The following TRABD2B variants were observed in gnomAD, a reference collection of about 807,000 sequenced individuals.
TRABD2B encodes metalloprotease TIKI2.
In TRABD2B, 14 loss-of-function variants were observed where a neutral mutation model predicts 40.1. The observed-to-expected ratio is 0.35, with a 90% confidence interval of 0.23 to 0.55. TRABD2B has a LOEUF of 0.55. Among genes scored for constraint, TRABD2B ranks in the 20% least tolerant of loss-of-function variants. The pLI, the probability that TRABD2B is intolerant of heterozygous loss-of-function variation, is 0.90. For synonymous variants in TRABD2B, 263 were observed against 277.0 expected (o/e 0.95, Z 0.50); for missense variants, 541 against 648.6 (o/e 0.83, Z 1.80).
At chr1:47,856,148 G>A (rs544878063) in intron 2 of TRABD2B, among the ~76,000 whole-genome samples, 4 of 152,356 alleles carry the variant, frequency 2.6e-5, no homozygotes, top group African/African-American at 7.2e-5. Context: ...GCCTGGATGA[G>A]TGGCACAGAG....
chr1:47,816,439 A>G (rs939730746), intron 2 of TRABD2B, among the ~76,000 whole-genome samples: 2 of 151,730 alleles, frequency 1.3e-5, no homozygotes, highest in Non-Finnish European at 2.9e-5. Flanking sequence ...CTGCTCCCTA[A>G]CCTCCTTGCT....
At chr1:47,893,343 G>A (rs1334013576) in intron 2 of TRABD2B, among the ~76,000 whole-genome samples, 2 of 152,176 alleles carry the variant, frequency 1.3e-5, no homozygotes, top group Non-Finnish European at 2.9e-5. Context: ...ACCTCTGGGG[G>A]GCCAGGCAGA....
intron 2 of TRABD2B, among the ~76,000 whole-genome samples, chr1:47,845,731 C>T (rs1645459736): frequency 1.3e-5 from 2 of 152,114 alleles, no homozygotes; most frequent in African/African-American, 4.8e-5. Flanking sequence ...AATATATGAC[C>T]ACAGACAATG....
intron 2 of TRABD2B, among the ~76,000 whole-genome samples, chr1:47,990,501 A>G (rs1485850453): frequency 2.0e-5 from 3 of 151,984 alleles, no homozygotes; most frequent in Non-Finnish European, 2.9e-5. Context: ...ACGAGTGGAT[A>G]TGGCTGCTGG....
At chr1:47,873,420 G>C (rs567744386) in intron 2 of TRABD2B, among the ~76,000 whole-genome samples, 1 of 152,160 alleles carries the variant, frequency 6.6e-6, no homozygotes, top group East Asian at 1.9e-4. Flanking sequence ...TTATGGGGTG[G>C]ATATATCCAT....
chr1:47,950,486 C>T (rs1381285320), intron 2 of TRABD2B, among the ~76,000 whole-genome samples: 6 of 152,036 alleles, frequency 3.9e-5, no homozygotes, highest in Admixed American at 2.6e-4. Flanking sequence ...GCTGAAGAAA[C>T]AGCAAAGTTA....
intron 2 of TRABD2B, among the ~76,000 whole-genome samples, chr1:47,830,659 AAGAGAG>A (rs1444051974): frequency 6.6e-6 from 1 of 152,222 alleles, no homozygotes; most frequent in African/African-American, 2.4e-5. Context: ...TTCAGGCACA[AAGAGAG>A]GTTTCTCCAA....
intron 2 of TRABD2B, among the ~76,000 whole-genome samples, chr1:47,805,509 A>G (rs1292771225): frequency 1.3e-5 from 2 of 151,814 alleles, no homozygotes; most frequent in Non-Finnish European, 2.9e-5. Flanking sequence ...TTCCTTAGAC[A>G]CTTATCTCAC....
At chr1:47,806,015 G>T (rs1191814510) in intron 2 of TRABD2B, among the ~76,000 whole-genome samples, 1 of 152,166 alleles carries the variant, frequency 6.6e-6, no homozygotes, top group Non-Finnish European at 1.5e-5. Context: ...GGAAACCAAA[G>T]AAGCAGAAGG....
chr1:47,906,969 G>A (rs1163302866), intron 2 of TRABD2B, among the ~76,000 whole-genome samples: 2 of 152,186 alleles, frequency 1.3e-5, no homozygotes, highest in Admixed American at 6.5e-5. Flanking sequence ...CCCCTTCCCC[G>A]GACAGTGATG....
At chr1:47,932,439 G>T (rs1462379211) in intron 2 of TRABD2B, among the ~76,000 whole-genome samples, 1 of 152,214 alleles carries the variant, frequency 6.6e-6, no homozygotes, top group African/African-American at 2.4e-5. Context: ...CGTCCGTGGA[G>T]GAGCTGAGTT....
Position 47,996,902 on chromosome 1 carries a change from G to A in TRABD2B, c.-113C>T, listed in dbSNP as rs1403862018. Reference sequence around the variant, plus strand: ...TCTGGAGCACGGGGCTCCAGCCGCAGGATGCTGGGCGCCCTCTGGGGCGTG... The same window carrying A: ...TCTGGAGCACGGGGCTCCAGCCGCAAGATGCTGGGCGCCCTCTGGGGCGTG... On this transcript the variant is annotated 5_prime_UTR_variant, in exon 1 of 7. Coordinates refer to ENST00000606738, the MANE Select transcript of TRABD2B (RefSeq NM_001194986.2). This position sits in a 1 kb window ranked among gnomAD's most constrained non-coding sequence, Gnocchi z 4.6. 2 of 1,126,804 alleles carry A rather than the reference G, an allele frequency of 1.8e-6. No homozygotes were observed. The highest frequency in any genetic ancestry group is 4.9e-5 in the Admixed American group (1 of 20,428). 69.8% of individuals were successfully genotyped at this position (1,126,804 alleles called of 1,614,324 possible). A position where few individuals can be genotyped will look rare whatever the true frequency, so the allele number is the denominator to read the frequency against.
intron 2 of TRABD2B, among the ~76,000 whole-genome samples, chr1:47,816,198 G>A (rs1645030070): frequency 6.6e-6 from 1 of 152,234 alleles, no homozygotes; most frequent in African/African-American, 2.4e-5. Flanking sequence ...TCAGGCCCTG[G>A]GGCCCGGGGT....
chr1:47,847,531 CTG>C (rs1196419414), intron 2 of TRABD2B, among the ~76,000 whole-genome samples: 2 of 152,206 alleles, frequency 1.3e-5, no homozygotes, highest in East Asian at 1.9e-4. Context: ...GATGGGGAAA[CTG>C]AGGCCCAGAG....
At chr1:47,956,323 C>G (rs1034640458) in intron 2 of TRABD2B, among the ~76,000 whole-genome samples, 2 of 152,190 alleles carry the variant, frequency 1.3e-5, no homozygotes, top group Admixed American at 6.5e-5. Flanking sequence ...TTCTGCATTT[C>G]CAACTAAGGT....
At chr1:47,828,942 A>G (rs12030815) in intron 2 of TRABD2B, among the ~76,000 whole-genome samples, 4,999 of 152,246 alleles carry the variant, frequency 0.033, 196 homozygotes, top group East Asian at 0.15. Context: ...TCCTGTGCAC[A>G]CCTACTGTGC....
At position 47,997,160 on chromosome 1, in the gene TRABD2B, GT is replaced by G. The variant is rs756257319; in HGVS notation, c.-372del. ...AACCGAGAACCCGGGGTGCGCAAGG[GT>G]CCCGGGGTTATGCTGGGCACCCGGG... is the stretch of plus-strand genomic sequence containing the variant. On this transcript the variant is annotated 5_prime_UTR_variant, in exon 1 of 7. Transcript: ENST00000606738. 9.1e-6 allele frequency: 9 copies of G among 983,774 alleles called. No homozygotes were observed. The East Asian group carries it at 4.7e-4, about 51-fold the overall frequency. The allele number at this position is 983,774 out of a possible 1,614,324, so 60.9% of individuals were successfully genotyped here. A position where few individuals can be genotyped will look rare whatever the true frequency, so the allele number is the denominator to read the frequency against.
At chr1:47,781,493 G>A (rs1034127898) in intron 4 of TRABD2B, among the ~76,000 whole-genome samples, 4 of 152,320 alleles carry the variant, frequency 2.6e-5, no homozygotes, top group African/African-American at 9.6e-5. Flanking sequence ...TGAGCACTGC[G>A]CGGCAATGGT....
intron 2 of TRABD2B, among the ~76,000 whole-genome samples, chr1:47,903,213 G>A (rs1052362636): frequency 6.6e-6 from 1 of 152,132 alleles, no homozygotes; most frequent in Non-Finnish European, 1.5e-5. Flanking sequence ...GGGCACCCTT[G>A]AGAGTGTACG....
Sources: gnomAD v4.1 joint callset for allele counts (sites outside exome capture counted in the v4.1 genomes callset) on GRCh38, gnomAD v4.1.1 for gene constraint, Gnocchi (gnomAD v3.1) non-coding constraint, MANE v1.5 for transcripts, NCBI Gene and HGNC (gene_info 2026-07-23, HGNC 2026-07-21) for gene names.